Variants in GABRA4 observed in about 807,000 individuals in gnomAD.
GABRA4 encodes gamma-aminobutyric acid type A receptor subunit alpha4, also known as gamma-aminobutyric acid receptor subunit alpha-4.
Under a neutral mutation model 49.7 loss-of-function variants are expected in GABRA4, and 12 were observed. The ratio of observed to expected loss-of-function variants is 0.24; its 90% CI spans 0.15 to 0.39. GABRA4 has a LOEUF of 0.39. Ranked by LOEUF, GABRA4 falls within the 10% of genes least tolerant of loss-of-function variation. The probability of loss-of-function intolerance (pLI) is 1.00; values close to 1 mark genes in which losing one functional copy is unlikely to be tolerated. For synonymous variants in GABRA4, 288 were observed against 240.2 expected (o/e 1.20, Z -1.84); for missense variants, 506 against 686.0 (o/e 0.74, Z 2.93).
chr4:46,978,687 CAAAAAA>C (rs71193889), intron 3 of GABRA4, among the ~76,000 whole-genome samples: 264 of 21,656 alleles, frequency 0.012, no homozygotes, highest in African/African-American at 0.035. Context: ...AACTTCATCT[CAAAAAA>C]AAAAAAAAAA....
At chr4:46,934,583 A>C (rs1302534043) in intron 8 of GABRA4, among the ~76,000 whole-genome samples, 1 of 152,198 alleles carries the variant, frequency 6.6e-6, no homozygotes, top group Non-Finnish European at 1.5e-5. Flanking sequence ...TAAGTTACAG[A>C]AATACTACTT....
At chr4:46,978,686 T>C (rs1723233515) in intron 3 of GABRA4, among the ~76,000 whole-genome samples, 1 of 3,652 alleles carries the variant, frequency 2.7e-4, no homozygotes, top group African/African-American at 1.1e-3. Context: ...AAACTTCATC[T>C]CAAAAAAAAA....
chr4:46,991,494 C>T (rs1723742266), intron 2 of GABRA4, among the ~76,000 whole-genome samples: 1 of 152,184 alleles, frequency 6.6e-6, no homozygotes, highest in Non-Finnish European at 1.5e-5. Context: ...TCCTACTTCA[C>T]ATCACAGGCA....
intron 2 of GABRA4, among the ~76,000 whole-genome samples, chr4:46,989,739 T>A (rs1378346365): frequency 6.6e-6 from 1 of 152,226 alleles, no homozygotes; most frequent in Non-Finnish European, 1.5e-5. Flanking sequence ...AGCAAAGTTG[T>A]ATAAACAGAT....
chr4:46,973,431 T>C (rs895539603), intron 6 of GABRA4, among the ~76,000 whole-genome samples: 2 of 151,704 alleles, frequency 1.3e-5, no homozygotes, highest in Non-Finnish European at 2.9e-5. Flanking sequence ...AAGAAATGGG[T>C]CCTCATTGAA....
intron 8 of GABRA4, among the ~76,000 whole-genome samples, chr4:46,958,391 G>A (rs1245424787): frequency 6.6e-6 from 1 of 151,810 alleles, no homozygotes; most frequent in Non-Finnish European, 1.5e-5. Flanking sequence ...TTTGTGGCTG[G>A]ATAAGAACTA....
In GABRA4 at chr4:46,946,644, T is replaced by A. The variant is rs1721990439; in HGVS notation, c.1135-17889A>T. 2.6e-5 allele frequency among the ~76,000 whole-genome samples: 4 copies of A among 152,140 alleles called. No homozygotes were observed. The South Asian group carries it at 8.3e-4, about 31-fold the overall frequency. On this transcript the variant is annotated intron_variant, in intron 8 of 8. Transcript: ENST00000264318. ...TTCTGCGAATAGGAAAGGATGATTA[T>A]AAGACATAAGGAGTCTATACAGCCT...
At chr4:46,978,687 C>CAAAAAAAAAAAAAAAAAAAAAA (rs71193889) in intron 3 of GABRA4, among the ~76,000 whole-genome samples, 4 of 21,656 alleles carry the variant, frequency 1.8e-4, no homozygotes, top group Admixed American at 1.3e-3. Flanking sequence ...AACTTCATCT[C>CAAAAAAAAAAAAAAAAAAAAAA]AAAAAAAAAA....
intron 5 of GABRA4, among the ~76,000 whole-genome samples, chr4:46,975,849 C>T (rs1405022009): frequency 6.6e-6 from 1 of 151,902 alleles, no homozygotes; most frequent in Non-Finnish European, 1.5e-5. Context: ...TATTTTTCTG[C>T]CTTTATCTTC....
chr4:46,972,797 T>A (rs1021808274), intron 6 of GABRA4, among the ~76,000 whole-genome samples: 1 of 151,610 alleles, frequency 6.6e-6, no homozygotes, highest in Admixed American at 6.6e-5. Context: ...TTCCTCTCAC[T>A]GCCTTTCAGT....
intron 7 of GABRA4, among the ~76,000 whole-genome samples, chr4:46,969,436 T>G (rs1283378546): frequency 1.3e-5 from 2 of 151,542 alleles, no homozygotes; most frequent in Admixed American, 1.3e-4. Flanking sequence ...GTCAGAGTGC[T>G]TCAAAAGATG....
Position 46,927,926 on chromosome 4 carries a change from A to T in GABRA4, c.*299T>A, listed in dbSNP as rs1202681628. 1 of 223,180 alleles carries T rather than the reference A, an allele frequency of 4.5e-6. No individual in the cohort carries two copies. The highest frequency in any genetic ancestry group is 1.1e-4 in the East Asian group (1 of 9,078). 13.8% of individuals were successfully genotyped at this position (223,180 alleles called of 1,614,324 possible). On this transcript the variant is annotated 3_prime_UTR_variant, in exon 9 of 9. Transcript: ENST00000264318. ...CATAGTCTGTTTTCAAATATCAATGAAAAAATATGCGCCACTTGTCTCTAA... is the reference window on the plus strand; with the variant it reads ...CATAGTCTGTTTTCAAATATCAATGTAAAAATATGCGCCACTTGTCTCTAA...
At chr4:46,971,877 C>T (rs1413883257) in intron 6 of GABRA4, among the ~76,000 whole-genome samples, 1 of 151,342 alleles carries the variant, frequency 6.6e-6, no homozygotes, top group East Asian at 1.9e-4. Flanking sequence ...CCCCTGAGTT[C>T]AAGCATGTTT....
intron 8 of GABRA4, among the ~76,000 whole-genome samples, chr4:46,953,795 A>G (rs1464362265): frequency 1.3e-5 from 2 of 152,292 alleles, no homozygotes; most frequent in Middle Eastern, 3.4e-3. Flanking sequence ...GTAAACATTA[A>G]GACAATCTTC....
At chr4:46,960,778 AG>A (rs1384996606) in intron 8 of GABRA4, among the ~76,000 whole-genome samples, 1 of 151,760 alleles carries the variant, frequency 6.6e-6, no homozygotes, top group Non-Finnish European at 1.5e-5. Flanking sequence ...AATAAAACAT[AG>A]TGAAAATAAA....
intron 2 of GABRA4, among the ~76,000 whole-genome samples, chr4:46,986,170 T>G (rs1482153336): frequency 6.6e-6 from 1 of 151,992 alleles, no homozygotes; most frequent in Non-Finnish European, 1.5e-5. Context: ...CCCACCAACT[T>G]TAAAAGTATT....
intron 8 of GABRA4, among the ~76,000 whole-genome samples, 154 bp from the exon 9 acceptor site, chr4:46,928,909 T>C (rs935429305): frequency 1.2e-4 from 18 of 152,096 alleles, no homozygotes; most frequent in Non-Finnish European, 2.4e-4. Context: ...ACCTTTAAAA[T>C]ACATAACTAA....
intron 7 of GABRA4, among the ~76,000 whole-genome samples, chr4:46,969,732 G>A (rs1489417522): frequency 6.6e-6 from 1 of 151,362 alleles, no homozygotes; most frequent in Non-Finnish European, 1.5e-5. Flanking sequence ...ATAATTTTAT[G>A]AATGGAGAAA....
chr4:46,961,851 A>C (rs929809434), intron 8 of GABRA4, among the ~76,000 whole-genome samples: 9 of 151,842 alleles, frequency 5.9e-5, no homozygotes, highest in African/African-American at 1.9e-4. Context: ...AAGAAGAGGA[A>C]GAAGAGGAAA....
Sources: allele counts gnomAD v4.1 joint callset (sites outside exome capture counted in the v4.1 genomes callset), GRCh38; gene constraint gnomAD v4.1.1; transcripts MANE v1.5; gene names NCBI Gene and HGNC (gene_info 2026-07-23, HGNC 2026-07-21).